Variants in DPY19L3 observed in about 807,000 individuals in gnomAD.
The protein encoded by DPY19L3 is protein C-mannosyl-transferase DPY19L3.
Under a neutral mutation model 92.3 loss-of-function variants are expected in DPY19L3, and 51 were observed. That is an observed-to-expected ratio of 0.55 (90% confidence interval 0.44 to 0.70). The LOEUF is 0.70. Among genes scored for constraint, DPY19L3 ranks in the 30% least tolerant of loss-of-function variants. The pLI, the probability that DPY19L3 is intolerant of heterozygous loss-of-function variation, is 0.00. For synonymous variants in DPY19L3, 309 were observed against 315.2 expected, an observed-to-expected ratio of 0.98 and a Z score of 0.21; for missense variants, 706 against 855.9, an observed-to-expected ratio of 0.82 and a Z score of 2.18.
At chr19:32,452,492 A>G (rs1166243067) in intron 8 of DPY19L3, among the ~76,000 whole-genome samples, 2 of 152,256 alleles carry the variant, frequency 1.3e-5, no homozygotes, top group African/African-American at 4.8e-5. Flanking sequence ...ATTGGTGGTC[A>G]TAAACAGTAA....
intron 12 of DPY19L3, among the ~76,000 whole-genome samples, chr19:32,462,240 T>C (rs920930055): frequency 1.3e-5 from 2 of 152,126 alleles, no homozygotes; most frequent in African/African-American, 4.8e-5. Flanking sequence ...TGAATGTATC[T>C]GCTTGTCTGT....
At chr19:32,441,046 C>T (rs749172361) in intron 8 of DPY19L3, among the ~76,000 whole-genome samples, 2 of 152,166 alleles carry the variant, frequency 1.3e-5, no homozygotes, top group African/African-American at 2.4e-5. Flanking sequence ...ACCACTCCTA[C>T]ACTGCTGGTA....
At chr19:32,467,403 CAT>C in intron 15 of DPY19L3, 1 of 981,058 alleles carries the variant, frequency 1.0e-6, no homozygotes, top group Non-Finnish European at 1.2e-6. Flanking sequence ...AGTAAGGAAA[CAT>C]AGATCATTGA....
At chr19:32,447,784 A>G (rs1290375834) in intron 8 of DPY19L3, among the ~76,000 whole-genome samples, 2 of 139,658 alleles carry the variant, frequency 1.4e-5, no homozygotes, top group Non-Finnish European at 3.1e-5. Flanking sequence ...TAGATTAGAT[A>G]AGATACTCCA....
At chr19:32,449,680 G>T (rs1038480342) in intron 8 of DPY19L3, among the ~76,000 whole-genome samples, 2 of 152,194 alleles carry the variant, frequency 1.3e-5, no homozygotes, top group East Asian at 3.8e-4. Flanking sequence ...AATTAATGGT[G>T]TTTTCAACAA....
At chr19:32,454,621 C>A (rs1052910196) in intron 9 of DPY19L3, among the ~76,000 whole-genome samples, 1 of 152,010 alleles carries the variant, frequency 6.6e-6, no homozygotes. Context: ...GTTCAGTCAG[C>A]GTATCCTGAG....
At chr19:32,449,411 T>C (rs1969625208) in intron 8 of DPY19L3, among the ~76,000 whole-genome samples, 1 of 152,118 alleles carries the variant, frequency 6.6e-6, no homozygotes, top group Non-Finnish European at 1.5e-5. Flanking sequence ...TTGCAGAAAT[T>C]GACAAGCTAA....
At chr19:32,420,976 A>G (rs1245224747) in intron 3 of DPY19L3, among the ~76,000 whole-genome samples, 2 of 152,128 alleles carry the variant, frequency 1.3e-5, no homozygotes, top group African/African-American at 2.4e-5. Context: ...ACCCCATTAT[A>G]GTTAGTTTTT....
rs959242706 is a variant in DPY19L3, at chr19:32,484,838, A to C, written c.*2598A>C. The C allele has an allele frequency of 6.6e-6, 1 of 152,236 alleles. No individual in the cohort carries two copies. The highest frequency in any genetic ancestry group is 6.5e-5 in the Admixed American group (1 of 15,278). The allele number at this position is 152,236 out of a possible 1,614,324, so 9.4% of individuals were successfully genotyped here. On this transcript the variant is annotated 3_prime_UTR_variant, in exon 19 of 19. Coordinates refer to ENST00000392250, the MANE Select transcript of DPY19L3 (RefSeq NM_001172774.2). Reference sequence around the variant, plus strand: ...GAATTTTCTGTAAAAATTAAGTTGAATACTTTGGTAAAAAGTGATAAAGGC... The same window carrying C: ...GAATTTTCTGTAAAAATTAAGTTGACTACTTTGGTAAAAAGTGATAAAGGC...
At chr19:32,467,993 T>C in intron 15 of DPY19L3, 1 of 985,050 alleles carries the variant, frequency 1.0e-6, no homozygotes, top group Non-Finnish European at 1.2e-6. Context: ...TTAAATATTA[T>C]TCTCTTTCAT....
At position 32,483,782 on chromosome 19, in the gene DPY19L3, G is replaced by T. The variant is rs1599689582; in HGVS notation, c.*1542G>T. The T allele has an allele frequency of 1.3e-5, 2 of 152,426 alleles. No individual in the cohort carries two copies. The highest frequency in any genetic ancestry group is 4.8e-5 in the African/African-American group (2 of 41,432). 9.4% of individuals were successfully genotyped at this position (152,426 alleles called of 1,614,324 possible). On this transcript the variant is annotated 3_prime_UTR_variant, in exon 19 of 19. Transcript: ENST00000392250. ...CTTTTCTGTATCCCTTAATAAGATTGGAGACCACTGCCGTTTAGGATAATA... is the reference window on the plus strand; with the variant it reads ...CTTTTCTGTATCCCTTAATAAGATTTGAGACCACTGCCGTTTAGGATAATA...
At position 32,417,359 on chromosome 19, in the gene DPY19L3, G is replaced by A. The variant is rs796505169; in HGVS notation, c.237+5987G>A. 1.2e-4 allele frequency among the ~76,000 whole-genome samples: 19 copies of A among 152,206 alleles called. 1 individual carries two copies. The highest frequency in any genetic ancestry group is 3.6e-4 in the African/African-American group (15 of 41,530). ...TTCTGAGACGGAGTCTCGCTCTGTC[G>A]TCCAGACTGGAGTGCAGTGGCACGA... On this transcript the variant is annotated intron_variant, in intron 3 of 18. Coordinates refer to ENST00000392250, the MANE Select transcript of DPY19L3 (RefSeq NM_001172774.2).
chr19:32,443,785 C>T (rs1969397617), intron 8 of DPY19L3, among the ~76,000 whole-genome samples: 1 of 152,104 alleles, frequency 6.6e-6, no homozygotes, highest in Non-Finnish European at 1.5e-5. Context: ...TTAGGCCGAG[C>T]GCAGTGGCTC....
At chr19:32,416,003 C>T (rs1968365848) in intron 3 of DPY19L3, among the ~76,000 whole-genome samples, 1 of 152,120 alleles carries the variant, frequency 6.6e-6, no homozygotes, top group Non-Finnish European at 1.5e-5. Flanking sequence ...ACATTCTAGG[C>T]AGAGGAAACA....
In DPY19L3 at chr19:32,480,468, T is replaced by G; in HGVS notation, c.1900T>G (p.Tyr634Asp). 1 of 1,614,178 alleles carries G rather than the reference T, an allele frequency of 6.2e-7. No homozygotes were observed. The highest frequency in any genetic ancestry group is 8.5e-7 in the Non-Finnish European group (1 of 1,180,026). Residue 634 changes from tyrosine (Y) to aspartate (D), a missense_variant, in exon 18 of 19, where the codon TAC (tyrosine) becomes GAC (aspartate). Physicochemically the swap from Tyr to Asp is radical, Grantham distance 160 (BLOSUM62 -3). Transcript: ENST00000392250. The stretch of plus-strand genomic sequence containing the variant: ...CCTCCTAAGGTCCTTCGGCACTGAC[T>G]ACGTAATCCTGGAAGACAGCATCTG... ...HALLRSFGTDYVILEDSICYE... is the reference protein window; with the variant it reads ...HALLRSFGTDDVILEDSICYE...
rs185580080 is a variant in DPY19L3, at chr19:32,466,046, A to G, written c.1614+1262A>G. ...ATGAATGTTTTTCTCACCACTGAAGATGTACCGAACAATAACCATCTTTCA... is the reference window on the plus strand; with the variant it reads ...ATGAATGTTTTTCTCACCACTGAAGGTGTACCGAACAATAACCATCTTTCA... On this transcript the variant is annotated intron_variant, in intron 15 of 18. Coordinates refer to ENST00000392250, the MANE Select transcript of DPY19L3 (RefSeq NM_001172774.2). 3.7e-3 allele frequency among the ~76,000 whole-genome samples: 571 copies of G among 152,372 alleles called. 4 individuals carry two copies. The highest frequency in any genetic ancestry group is 0.01 in the Middle Eastern group (3 of 294).
intron 9 of DPY19L3, 69 bp downstream of exon 9, chr19:32,453,345 T>G: frequency 6.9e-7 from 1 of 1,458,878 alleles, no homozygotes; most frequent in Non-Finnish European, 9.2e-7. Flanking sequence ...TGAACCTTAT[T>G]TTCACACAGC....
intron 12 of DPY19L3, among the ~76,000 whole-genome samples, chr19:32,461,405 G>A (rs142897990): frequency 6.6e-6 from 1 of 152,352 alleles, no homozygotes; most frequent in East Asian, 1.9e-4. Context: ...GCTGGGCTAT[G>A]GGGGAGGTAC....
chr19:32,445,198 T>C (rs1468995318), intron 8 of DPY19L3, among the ~76,000 whole-genome samples: 1 of 151,544 alleles, frequency 6.6e-6, no homozygotes, highest in Non-Finnish European at 1.5e-5. Flanking sequence ...TCCCATTACT[T>C]TGGGAGGCCG....
Sources: allele counts gnomAD v4.1 joint callset (sites outside exome capture counted in the v4.1 genomes callset), GRCh38; gene constraint gnomAD v4.1.1; transcripts MANE v1.5; gene names NCBI Gene and HGNC (gene_info 2026-07-23, HGNC 2026-07-21).